Variants in BMPR1B observed in about 807,000 individuals in gnomAD.
The protein encoded by BMPR1B is bone morphogenetic protein receptor type 1B, also known as bone morphogenetic protein receptor type-1B.
Under a neutral mutation model 59.1 loss-of-function variants are expected in BMPR1B, and 12 were observed. The observed-to-expected ratio is 0.20, with a 90% CI of 0.13 to 0.33. The LOEUF is 0.33. Ranked by LOEUF, BMPR1B falls within the 10% of genes least tolerant of loss-of-function variation. The pLI, the probability that BMPR1B is intolerant of heterozygous loss-of-function variation, is 1.00. For synonymous variants in BMPR1B, 237 were observed against 207.3 expected (o/e 1.14, Z -1.23); for missense variants, 550 against 610.9 (o/e 0.90, Z 1.05).
chr4:95,141,564 G>A (rs910282739), intron 10 of BMPR1B, among the ~76,000 whole-genome samples: 1 of 152,162 alleles, frequency 6.6e-6, no homozygotes, highest in East Asian at 1.9e-4. Context: ...CGTAAGTGCC[G>A]ATGCATTTCC....
chr4:94,961,855 G>A (rs77391041), intron 2 of BMPR1B, among the ~76,000 whole-genome samples: 1 of 152,132 alleles, frequency 6.6e-6, no homozygotes, highest in Non-Finnish European at 1.5e-5. Context: ...GGGAGTACAT[G>A]TGATAAAGCA....
rs745658075 is a variant in BMPR1B at position 94,986,228 on chromosome 4, A to G, written c.-112-9812A>G. Among the ~76,000 whole-genome samples, 53 of 151,960 alleles carry G rather than the reference A, an allele frequency of 3.5e-4. 1 individual carries two copies. Among genetic ancestry groups the G allele is most frequent in the Non-Finnish European group, 2.6e-4 (18 of 67,974 alleles). ...TTGGGTCATGAAAAAAAGTTTAAGG[A>G]TTTTCTTTATTCTTATGTTTTCTAC... On this transcript the variant is annotated intron_variant, in intron 2 of 12. Coordinates refer to ENST00000515059, the MANE Select transcript of BMPR1B (RefSeq NM_001203.3).
At chr4:95,018,742 C>T (rs1723763192) in intron 3 of BMPR1B, among the ~76,000 whole-genome samples, 1 of 152,132 alleles carries the variant, frequency 6.6e-6, no homozygotes, top group Non-Finnish European at 1.5e-5. Flanking sequence ...GACAAACAAA[C>T]CAGCCTAGGA....
intron 2 of BMPR1B, among the ~76,000 whole-genome samples, chr4:94,917,418 C>T (rs578093885): frequency 1.3e-5 from 2 of 152,292 alleles, no homozygotes; most frequent in African/African-American, 2.4e-5. Flanking sequence ...TGGAGCTTCC[C>T]AAAGCCTTGA....
intron 1 of BMPR1B, among the ~76,000 whole-genome samples, chr4:94,812,404 G>A (rs1367188587): frequency 6.6e-6 from 1 of 152,192 alleles, no homozygotes; most frequent in Non-Finnish European, 1.5e-5. Flanking sequence ...AGCTTTGAAA[G>A]CTCATGACTT....
intron 2 of BMPR1B, among the ~76,000 whole-genome samples, chr4:94,940,046 A>G (rs1729450433): frequency 6.6e-6 from 1 of 152,224 alleles, no homozygotes; most frequent in South Asian, 2.1e-4. Context: ...TTAGGCCAGC[A>G]ACACTAATGC....
chr4:94,893,461 G>T (rs561341924), intron 2 of BMPR1B, among the ~76,000 whole-genome samples: 1 of 151,966 alleles, frequency 6.6e-6, no homozygotes. Context: ...GAAGAAATAC[G>T]TGCATATGTT....
intron 2 of BMPR1B, among the ~76,000 whole-genome samples, chr4:94,972,145 C>T (rs935825937): frequency 2.6e-5 from 4 of 151,510 alleles, no homozygotes; most frequent in Non-Finnish European, 4.4e-5. Context: ...ATAAATGATG[C>T]GGTAAAGGAA....
chr4:94,928,980 A>G (rs1728992752), intron 2 of BMPR1B, among the ~76,000 whole-genome samples: 1 of 152,124 alleles, frequency 6.6e-6, no homozygotes, highest in African/African-American at 2.4e-5. Flanking sequence ...ATTTAAAAGA[A>G]CAAATAAAAT....
At chr4:95,123,356 A>C (rs7684343) in intron 6 of BMPR1B, among the ~76,000 whole-genome samples, 2,784 of 152,274 alleles carry the variant, frequency 0.018, 80 homozygotes, top group African/African-American at 0.062. Flanking sequence ...GACTTTATAT[A>C]CAACGAGTTA....
At chr4:95,051,585 C>A in intron 3 of BMPR1B, 4 of 948,292 alleles carry the variant, frequency 4.2e-6, no homozygotes, top group South Asian at 1.6e-5. Context: ...GGGTTGCTGG[C>A]AGGCTTGCGA....
At chr4:94,758,796 C>CT (rs766257242) in intron 1 of BMPR1B, among the ~76,000 whole-genome samples, 16 of 152,070 alleles carry the variant, frequency 1.1e-4, no homozygotes, top group Non-Finnish European at 1.8e-4. Flanking sequence ...TCCTTTGCCT[C>CT]TCCCCCCGGT....
In BMPR1B at chr4:94,921,631, A is replaced by G. The variant is rs139121740; in HGVS notation, c.-113+45731A>G. Among the ~76,000 whole-genome samples, 105 of 152,224 alleles carry G rather than the reference A, an allele frequency of 6.9e-4. 1 individual carries two copies. The highest frequency in any genetic ancestry group is 2.4e-3 in the African/African-American group (99 of 41,560). ...GGACAGCATCAAGAAGATGGTGCTAAACCATTCAAGAGAAACCTGCCCCCT... is the reference window on the plus strand; with the variant it reads ...GGACAGCATCAAGAAGATGGTGCTAGACCATTCAAGAGAAACCTGCCCCCT... On this transcript the variant is annotated intron_variant, in intron 2 of 12. Transcript: ENST00000515059.
intron 9 of BMPR1B, 41 bp from the exon 10 acceptor site, chr4:95,131,174 A>G (rs1457762739): frequency 2.6e-6 from 4 of 1,567,768 alleles, no homozygotes; most frequent in Non-Finnish European, 3.5e-6. Context: ...TCCTGATACT[A>G]TTTGGAAAAC....
chr4:95,028,448 A>G (rs1724578505), intron 3 of BMPR1B, among the ~76,000 whole-genome samples: 1 of 152,082 alleles, frequency 6.6e-6, no homozygotes, highest in Non-Finnish European at 1.5e-5. Flanking sequence ...AGGGGTATTT[A>G]TGGATATTCA....
At chr4:94,845,060 G>A (rs1725262469) in intron 1 of BMPR1B, among the ~76,000 whole-genome samples, 1 of 149,492 alleles carries the variant, frequency 6.7e-6, no homozygotes, top group Non-Finnish European at 1.5e-5. Flanking sequence ...AATATGAAGG[G>A]AGCAAAATAG....
intron 1 of BMPR1B, among the ~76,000 whole-genome samples, chr4:94,794,519 T>C (rs1723111493): frequency 7.4e-6 from 1 of 134,664 alleles, no homozygotes; most frequent in Admixed American, 7.0e-5. Flanking sequence ...TTTGGTTCCA[T>C]ATGAACTTGA....
intron 2 of BMPR1B, among the ~76,000 whole-genome samples, chr4:94,978,633 T>C (rs1237758503): frequency 1.3e-5 from 2 of 152,184 alleles, no homozygotes; most frequent in Non-Finnish European, 2.9e-5. Flanking sequence ...TCATATAATA[T>C]CACATTTGTC....
At chr4:94,882,926 A>G (rs1170751312) in intron 2 of BMPR1B, among the ~76,000 whole-genome samples, 26 of 151,904 alleles carry the variant, frequency 1.7e-4, no homozygotes, top group Middle Eastern at 3.4e-3. Flanking sequence ...CCCAGGCTGA[A>G]TTATCAAAAA....
Sources: gnomAD v4.1 joint callset for allele counts (sites outside exome capture counted in the v4.1 genomes callset) on GRCh38, gnomAD v4.1.1 for gene constraint, MANE v1.5 for transcripts, NCBI Gene and HGNC (gene_info 2026-07-23, HGNC 2026-07-21) for gene names.